Variants in PRKCH observed in about 807,000 individuals in gnomAD.
PRKCH encodes protein kinase C eta, also known as protein kinase C eta type.
In PRKCH, 28 loss-of-function variants were observed where a neutral mutation model predicts 82.5. The observed-to-expected ratio is 0.34, with a 90% CI of 0.25 to 0.47. PRKCH has a LOEUF of 0.47. PRKCH is among the 20% of genes least tolerant of loss of function. PRKCH has a pLI of 1.00. For missense variants in PRKCH, 705 were observed against 881.8 expected, an observed-to-expected ratio of 0.80 and a Z score of 2.54; for synonymous variants, 322 against 327.4, an observed-to-expected ratio of 0.98 and a Z score of 0.18.
intron 10 of PRKCH, among the ~76,000 whole-genome samples, chr14:61,492,788 G>C (rs1486327934): frequency 6.6e-6 from 1 of 152,194 alleles, no homozygotes; most frequent in Non-Finnish European, 1.5e-5. Context: ...ATGGCAGCTG[G>C]GTTCCAAAAT....
At chr14:61,475,888 C>G (rs917651371) in intron 9 of PRKCH, among the ~76,000 whole-genome samples, 9 of 152,110 alleles carry the variant, frequency 5.9e-5, no homozygotes, top group Non-Finnish European at 1.2e-4. Flanking sequence ...AAGCTTGAGA[C>G]TTCTATATCT....
chr14:61,410,243 T>C (rs1882195193), intron 2 of PRKCH, among the ~76,000 whole-genome samples: 1 of 152,208 alleles, frequency 6.6e-6, no homozygotes. Flanking sequence ...AATGGTGATA[T>C]GTTAAATCCA....
In PRKCH at chr14:61,432,032, C is replaced by T. The variant is rs1480106619; in HGVS notation, c.428-11079C>T. The stretch of plus-strand genomic sequence containing the variant: ...TGTCTCTACCAATTCCATTTTTTCC[C>T]ACCTCTATTGGTTTGGAAGATAGAA... On this transcript the variant is annotated intron_variant, in intron 2 of 13. Transcript: ENST00000332981. Among the ~76,000 whole-genome samples the T allele has an allele frequency of 2.7e-5, 4 of 150,772 alleles. No homozygotes were observed. The East Asian group carries it at 7.8e-4, about 29-fold the overall frequency.
intron 1 of PRKCH, among the ~76,000 whole-genome samples, chr14:61,364,872 G>C (rs2046277299): frequency 6.6e-6 from 1 of 151,976 alleles, no homozygotes; most frequent in Non-Finnish European, 1.5e-5. Flanking sequence ...TAAGGAACAG[G>C]AAGGAGTGTG....
intron 12 of PRKCH, among the ~76,000 whole-genome samples, chr14:61,531,384 A>G (rs1403354389): frequency 1.3e-5 from 2 of 152,230 alleles, no homozygotes; most frequent in South Asian, 2.1e-4. Context: ...AGAACAATCT[A>G]TATTCTGTTG....
chr14:61,377,368 C>T (rs993177848), intron 1 of PRKCH, among the ~76,000 whole-genome samples: 1 of 152,234 alleles, frequency 6.6e-6, no homozygotes, highest in Non-Finnish European at 1.5e-5. Flanking sequence ...ATAACCCCAG[C>T]CGTATGTTTA....
intron 10 of PRKCH, among the ~76,000 whole-genome samples, chr14:61,496,535 A>G (rs1184564233): frequency 6.6e-6 from 1 of 152,162 alleles, no homozygotes; most frequent in Non-Finnish European, 1.5e-5. Context: ...CTCCTCTGAT[A>G]AGCCTTTCCT....
chr14:61,373,286 C>T (rs946102268), intron 1 of PRKCH, among the ~76,000 whole-genome samples: 1 of 151,744 alleles, frequency 6.6e-6, no homozygotes, highest in African/African-American at 2.4e-5. Flanking sequence ...AACTTATAAT[C>T]ATGGTGGAAG....
At chr14:61,268,275 G>T (rs908240828) in intron 1 of PRKCH, among the ~76,000 whole-genome samples, 1 of 152,086 alleles carries the variant, frequency 6.6e-6, no homozygotes, top group Non-Finnish European at 1.5e-5. Context: ...GTTAAAATGT[G>T]GGGGGAAGTG....
intron 1 of PRKCH, among the ~76,000 whole-genome samples, chr14:61,368,638 TCC>T (rs2046328980): frequency 6.6e-6 from 1 of 152,080 alleles, no homozygotes; most frequent in African/African-American, 2.4e-5. Context: ...ACTGATCACC[TCC>T]TCTCTTACAG....
intron 9 of PRKCH, among the ~76,000 whole-genome samples, chr14:61,472,345 CA>C (rs1885542677): frequency 6.6e-6 from 1 of 152,200 alleles, no homozygotes; most frequent in Non-Finnish European, 1.5e-5. Context: ...GGCATTGAGT[CA>C]GTGGCATTTT....
intron 1 of PRKCH, among the ~76,000 whole-genome samples, chr14:61,346,269 A>G (rs2140143115): frequency 6.6e-6 from 1 of 152,238 alleles, no homozygotes; most frequent in South Asian, 2.1e-4. Context: ...TTTTGGATAT[A>G]TCTCCCCTTA....
intron 2 of PRKCH, among the ~76,000 whole-genome samples, chr14:61,396,209 C>T (rs1288695543): frequency 1.3e-5 from 2 of 151,732 alleles, no homozygotes; most frequent in Admixed American, 1.3e-4. Context: ...TATGCGGGTT[C>T]TGCCATAAGC....
chr14:61,388,228 T>G (rs1023484633), intron 1 of PRKCH, among the ~76,000 whole-genome samples: 1 of 152,140 alleles, frequency 6.6e-6, no homozygotes, highest in African/African-American at 2.4e-5. Flanking sequence ...CTAAAAAGTT[T>G]CAACCTGCAG....
At chr14:61,310,737 C>T (rs1439743509) in intron 1 of PRKCH, among the ~76,000 whole-genome samples, 4 of 152,248 alleles carry the variant, frequency 2.6e-5, no homozygotes, top group Non-Finnish European at 5.9e-5. Context: ...GGCTCCAACC[C>T]CACATTTGCC....
At chr14:61,434,047 G>C (rs1306478414) in intron 2 of PRKCH, among the ~76,000 whole-genome samples, 1 of 152,176 alleles carries the variant, frequency 6.6e-6, no homozygotes, top group Non-Finnish European at 1.5e-5. Flanking sequence ...CCACATCATA[G>C]CTACGTTGTT....
chr14:61,308,545 T>C (rs1323870869), intron 1 of PRKCH, among the ~76,000 whole-genome samples: 1 of 152,240 alleles, frequency 6.6e-6, no homozygotes, highest in East Asian at 1.9e-4. Flanking sequence ...TTTGTTATAC[T>C]CACCAGAGCA....
rs555513805 is a variant in PRKCH, at chr14:61,447,451, C to T, written c.614-1713C>T. On this transcript the variant is annotated intron_variant, in intron 4 of 13. Coordinates refer to ENST00000332981, the MANE Select transcript of PRKCH (RefSeq NM_006255.5). ...CATTATCACAACTAGGTGAAATTGA[C>T]GTTTATAGAATACTTCATCCAACAA... 5.0e-4 allele frequency among the ~76,000 whole-genome samples: 76 copies of T among 152,138 alleles called. 1 individual carries two copies. Among genetic ancestry groups the T allele is most frequent in the Admixed American group, 9.8e-4 (15 of 15,284 alleles).
At chr14:61,344,882 C>A (rs920835758) in intron 1 of PRKCH, among the ~76,000 whole-genome samples, 1 of 152,070 alleles carries the variant, frequency 6.6e-6, no homozygotes, top group Admixed American at 6.5e-5. Context: ...TATTTTTAGC[C>A]CGGTGGCCAC....
Sources: allele counts gnomAD v4.1 joint callset (sites outside exome capture counted in the v4.1 genomes callset), GRCh38; gene constraint gnomAD v4.1.1; transcripts MANE v1.5; gene names NCBI Gene and HGNC (gene_info 2026-07-23, HGNC 2026-07-21).